Variants in CNIH3 observed in about 807,000 individuals in gnomAD.
The protein encoded by CNIH3 is protein cornichon homolog 3.
Under a neutral mutation model 24.1 loss-of-function variants are expected in CNIH3, and 14 were observed. The observed-to-expected ratio is 0.58, with a 90% CI of 0.38 to 0.91. The LOEUF is 0.91. CNIH3 is among the 40% of genes least tolerant of loss of function. The pLI is 0.00. For synonymous variants in CNIH3, 68 were observed against 73.8 expected, an observed-to-expected ratio of 0.92 and a Z score of 0.40; for missense variants, 178 against 196.8, an observed-to-expected ratio of 0.90 and a Z score of 0.57.
intron 5 of CNIH3, among the ~76,000 whole-genome samples, 200 bp downstream of exon 5, chr1:224,734,906 A>C (rs1224043357): frequency 1.3e-5 from 2 of 152,200 alleles, no homozygotes; most frequent in Non-Finnish European, 2.9e-5. Context: ...GAGATCCTGC[A>C]GGAGGCCTTG....
chr1:224,456,976 G>C (rs531882695), intron 1 of CNIH3, among the ~76,000 whole-genome samples: 1 of 152,322 alleles, frequency 6.6e-6, no homozygotes, highest in South Asian at 2.1e-4. Flanking sequence ...GGAGCAGCAA[G>C]GCCACCCCGC....
intron 3 of CNIH3, among the ~76,000 whole-genome samples, chr1:224,705,850 C>CTTTTTTCT (rs1687762236): frequency 1.0e-4 from 9 of 90,218 alleles, no homozygotes; most frequent in South Asian, 4.3e-4. Flanking sequence ...TCTTTCTTTT[C>CTTTTTTCT]TTTTTTTTCT....
intron 3 of CNIH3, among the ~76,000 whole-genome samples, chr1:224,698,637 A>G (rs1432556766): frequency 6.6e-6 from 1 of 152,236 alleles, no homozygotes; most frequent in East Asian, 1.9e-4. Context: ...ATGCTGGGTC[A>G]TTCTGAGTTA....
chr1:224,496,526 C>T (rs1185420720), intron 1 of CNIH3, among the ~76,000 whole-genome samples: 2 of 152,200 alleles, frequency 1.3e-5, no homozygotes, highest in Non-Finnish European at 2.9e-5. Context: ...ACAGGCCAAG[C>T]AAGGCTGGCC....
intron 3 of CNIH3, among the ~76,000 whole-genome samples, chr1:224,706,812 T>C (rs1687834877): frequency 6.6e-6 from 1 of 152,158 alleles, no homozygotes; most frequent in African/African-American, 2.4e-5. Context: ...TATGATACCA[T>C]TCACCTTTAT....
At chr1:224,493,462 T>G (rs1677313459) in intron 1 of CNIH3, among the ~76,000 whole-genome samples, 1 of 152,116 alleles carries the variant, frequency 6.6e-6, no homozygotes, top group Non-Finnish European at 1.5e-5. Flanking sequence ...AAATGTAGTT[T>G]CAACCTACCC....
chr1:224,617,105 G>C lies in CNIH3; in HGVS notation c.-70G>C. On this transcript the variant is annotated 5_prime_UTR_variant, in exon 1 of 6. Transcript: ENST00000272133. ...AGACGCGGCTCCTTGGAGGGAGTGC[G>C]GTCCTCTAGGGAGGCATCGGGCTCC... 1 of 1,585,612 alleles carries C rather than the reference G, an allele frequency of 6.3e-7. No individual in the cohort carries two copies. The highest frequency in any genetic ancestry group is 8.6e-7 in the Non-Finnish European group (1 of 1,167,992).
intron 1 of CNIH3, chr1:224,435,018 T>TC: frequency 1.0e-6 from 1 of 985,546 alleles, no homozygotes; most frequent in South Asian, 4.7e-5. Context: ...CTCGGGCCTT[T>TC]CCCCTTGCGC....
intron 3 of CNIH3, among the ~76,000 whole-genome samples, chr1:224,709,738 A>G (rs986056590): frequency 3.3e-5 from 5 of 152,144 alleles, no homozygotes; most frequent in African/African-American, 4.8e-5. Flanking sequence ...TTCCTATTTT[A>G]TGGGTTGAAG....
At chr1:224,736,801 A>G (rs1023767607) in intron 5 of CNIH3, among the ~76,000 whole-genome samples, 64 of 152,270 alleles carry the variant, frequency 4.2e-4, no homozygotes, top group African/African-American at 1.4e-3. Flanking sequence ...CCAAGTCTGA[A>G]CTATTTAACA....
intron 3 of CNIH3, among the ~76,000 whole-genome samples, chr1:224,610,736 A>G (rs1226230113): frequency 1.3e-5 from 2 of 152,242 alleles, no homozygotes; most frequent in African/African-American, 4.8e-5. Context: ...TTTATGTATA[A>G]CAACTCAGGA....
At chr1:224,517,901 G>A (rs1678461373) in intron 1 of CNIH3, among the ~76,000 whole-genome samples, 1 of 152,172 alleles carries the variant, frequency 6.6e-6, no homozygotes, top group African/African-American at 2.4e-5. Context: ...AATGCTGTGT[G>A]CTGGGCCTTG....
intron 2 of CNIH3, among the ~76,000 whole-genome samples, chr1:224,523,567 GAA>G (rs950469704): frequency 6.6e-5 from 10 of 152,142 alleles, no homozygotes; most frequent in Non-Finnish European, 1.3e-4. Flanking sequence ...ATAGGAAGGG[GAA>G]AAGAGGGGCT....
intron 1 of CNIH3, among the ~76,000 whole-genome samples, chr1:224,672,629 C>A (rs1281705043): frequency 6.6e-6 from 1 of 152,154 alleles, no homozygotes; most frequent in Admixed American, 6.5e-5. Context: ...CTTCACATGG[C>A]CTTCACTGTG....
At chr1:224,636,233 A>T (rs1406418185) in intron 1 of CNIH3, among the ~76,000 whole-genome samples, 1 of 151,916 alleles carries the variant, frequency 6.6e-6, no homozygotes, top group African/African-American at 2.4e-5. Flanking sequence ...TCGGTTTACC[A>T]TTTGCATATT....
intron 5 of CNIH3, among the ~76,000 whole-genome samples, chr1:224,585,677 G>T (rs1681477465): frequency 6.8e-6 from 1 of 146,096 alleles, no homozygotes; most frequent in African/African-American, 2.5e-5. Context: ...AGAGATGGGG[G>T]TCTCACTATG....
Position 224,616,923 on chromosome 1 carries a change from T to A in CNIH3, c.-252T>A. Reference sequence around the variant, plus strand: ...GTTTCTTCTTCGATTTGCGGACGGTTCCCTCCAGCGACTCTCGACACACGT... The same window carrying A: ...GTTTCTTCTTCGATTTGCGGACGGTACCCTCCAGCGACTCTCGACACACGT... On this transcript the variant is annotated 5_prime_UTR_variant, in exon 1 of 6. Coordinates refer to ENST00000272133, the MANE Select transcript of CNIH3 (RefSeq NM_152495.2). The A allele has an allele frequency of 7.5e-7, 1 of 1,329,354 alleles. No homozygotes were observed. The highest frequency in any genetic ancestry group is 9.6e-7 in the Non-Finnish European group (1 of 1,044,458). The allele number at this position is 1,329,354 out of a possible 1,614,324, so 82.3% of individuals were successfully genotyped here.
chr1:224,578,113 C>T (rs1214300759), intron 4 of CNIH3, among the ~76,000 whole-genome samples: 1 of 152,038 alleles, frequency 6.6e-6, no homozygotes, highest in Non-Finnish European at 1.5e-5. Flanking sequence ...GAAATCACTA[C>T]TAAAGAACTT....
chr1:224,556,173 CCTAT>C (rs1168720634), intron 3 of CNIH3, among the ~76,000 whole-genome samples: 1 of 149,250 alleles, frequency 6.7e-6, no homozygotes, highest in African/African-American at 2.6e-5. Context: ...GCTTGGTTTT[CCTAT>C]CTTTTTTTTT....
Sources: allele counts gnomAD v4.1 joint callset (sites outside exome capture counted in the v4.1 genomes callset), GRCh38; gene constraint gnomAD v4.1.1; transcripts MANE v1.5; gene names NCBI Gene and HGNC (gene_info 2026-07-23, HGNC 2026-07-21).